Variants in GLIS1 observed in about 807,000 individuals in gnomAD.
The protein encoded by GLIS1 is GLIS family zinc finger 1.
GLIS1 carries 24 observed loss-of-function variants against 63.8 expected under a neutral mutation model. That is an observed-to-expected ratio of 0.38 (90% CI 0.27 to 0.53). The LOEUF is 0.53. GLIS1 is among the 20% of genes least tolerant of loss of function. The pLI is 0.85. For missense variants in GLIS1, 1,036 were observed against 1,074.1 expected (o/e 0.96, Z 0.50); for synonymous variants, 450 against 482.5 (o/e 0.93, Z 0.88).
chr1:53,650,247 G>A (rs1645890893), intron 2 of GLIS1, among the ~76,000 whole-genome samples: 1 of 152,138 alleles, frequency 6.6e-6, no homozygotes. Flanking sequence ...CAGTAACTGT[G>A]CTTGATCCAA....
At chr1:53,717,230 C>T (rs1646708902) in intron 2 of GLIS1, among the ~76,000 whole-genome samples, 1 of 152,170 alleles carries the variant, frequency 6.6e-6, no homozygotes, top group Admixed American at 6.5e-5. Flanking sequence ...ATAAAATGGG[C>T]ATAATAATAA....
chr1:53,614,082 T>C (rs1645453478), intron 2 of GLIS1, among the ~76,000 whole-genome samples: 1 of 152,230 alleles, frequency 6.6e-6, no homozygotes, highest in Admixed American at 6.6e-5. Context: ...TTCATTCATT[T>C]AACACATGGA....
chr1:53,738,198 G>C (rs1297358723), intron 1 of GLIS1, 92 bp from the exon 2 acceptor site: 2 of 704,218 alleles, frequency 2.8e-6, no homozygotes, highest in Non-Finnish European at 3.9e-6. Flanking sequence ...CTGCCCCTTC[G>C]GTGGATTGCG....
chr1:53,629,494 C>T (rs746352960), intron 2 of GLIS1, among the ~76,000 whole-genome samples: 1 of 152,176 alleles, frequency 6.6e-6, no homozygotes, highest in Non-Finnish European at 1.5e-5. Flanking sequence ...AGATGGGCTT[C>T]GAGAACAGGA....
chr1:53,680,279 TAG>T (rs1557518406), intron 2 of GLIS1, among the ~76,000 whole-genome samples: 1 of 152,156 alleles, frequency 6.6e-6, no homozygotes, highest in Non-Finnish European at 1.5e-5. Flanking sequence ...ATAAGCCTCA[TAG>T]ATAGGAACAC....
intron 2 of GLIS1, among the ~76,000 whole-genome samples, chr1:53,735,098 C>T (rs1420253936): frequency 2.0e-5 from 3 of 152,266 alleles, no homozygotes; most frequent in Admixed American, 6.5e-5. Flanking sequence ...CTGAGGCAGG[C>T]GGCAGAGCAT....
intron 2 of GLIS1, among the ~76,000 whole-genome samples, chr1:53,613,415 A>C (rs1557481302): frequency 6.6e-6 from 1 of 152,218 alleles, no homozygotes; most frequent in Non-Finnish European, 1.5e-5. Flanking sequence ...GCAGAGTCAA[A>C]GAATATGCAA....
intron 4 of GLIS1, among the ~76,000 whole-genome samples, chr1:53,577,196 C>A (rs1366851900): frequency 2.0e-5 from 3 of 151,748 alleles, no homozygotes; most frequent in Admixed American, 6.6e-5. Flanking sequence ...CTTAGGAGCT[C>A]CAGACTTGCG....
intron 4 of GLIS1, among the ~76,000 whole-genome samples, chr1:53,555,028 C>A (rs1569816892): frequency 1.3e-5 from 2 of 152,208 alleles, no homozygotes; most frequent in Admixed American, 1.3e-4. Context: ...ACCTGGGCAG[C>A]TTCCCTAGGC....
At chr1:53,735,432 G>T (rs997139346) in intron 2 of GLIS1, among the ~76,000 whole-genome samples, 1 of 152,176 alleles carries the variant, frequency 6.6e-6, no homozygotes, top group Admixed American at 6.5e-5. Flanking sequence ...TCACGCAAAT[G>T]AAAACCCAGA....
chr1:53,542,675 T>G (rs114961707), intron 4 of GLIS1, among the ~76,000 whole-genome samples: 1 of 152,190 alleles, frequency 6.6e-6, no homozygotes, highest in South Asian at 2.1e-4. Flanking sequence ...GCCAGACGCA[T>G]GTACATGGCA....
chr1:53,710,677 G>C (rs1200900033), intron 2 of GLIS1, among the ~76,000 whole-genome samples: 1 of 151,820 alleles, frequency 6.6e-6, no homozygotes, highest in African/African-American at 2.4e-5. Flanking sequence ...GAACCCCTGG[G>C]ATGCACTCTC....
At chr1:53,687,445 T>G (rs980318337) in intron 2 of GLIS1, among the ~76,000 whole-genome samples, 1 of 152,152 alleles carries the variant, frequency 6.6e-6, no homozygotes, top group East Asian at 1.9e-4. Context: ...CCCGCCCCGC[T>G]TCACCAAGCC....
chr1:53,651,748 C>T (rs1645909750), intron 2 of GLIS1, among the ~76,000 whole-genome samples: 1 of 152,114 alleles, frequency 6.6e-6, no homozygotes, highest in African/African-American at 2.4e-5. Flanking sequence ...GTGGCACACA[C>T]CTGTAGTCCT....
In GLIS1 at chr1:53,646,884, G is replaced by GGGAAGGGAA. The variant is rs1233468204; in HGVS notation, c.260-46615_260-46607dup. The stretch of plus-strand genomic sequence containing the variant: ...GAAAGAAGGAAGGAAGGAAGGAGAA[G>GGGAAGGGAA]GGAAGGGAAGGAAGGAAAGGAAGGA... On this transcript the variant is annotated intron_variant, in intron 2 of 10. Coordinates refer to ENST00000628545, the MANE Select transcript of GLIS1 (RefSeq NM_001367484.1). This position sits in a 1 kb window ranked among gnomAD's most constrained non-coding sequence, Gnocchi z 4.2. Among the ~76,000 whole-genome samples, 1 of 143,326 alleles carries GGGAAGGGAA rather than the reference G, an allele frequency of 7.0e-6. No homozygotes were observed. The highest frequency in any genetic ancestry group is 7.4e-5 in the Admixed American group (1 of 13,530). 94.0% of individuals were successfully genotyped at this position (143,326 alleles called of 152,430 possible). A position where few individuals can be genotyped will look rare whatever the true frequency, so the allele number is the denominator to read the frequency against.
intron 4 of GLIS1, among the ~76,000 whole-genome samples, chr1:53,566,698 A>ACAAGAT (rs1363402903): frequency 2.0e-4 from 31 of 152,154 alleles, no homozygotes; most frequent in African/African-American, 7.2e-4. Flanking sequence ...GTGAGTTCTC[A>ACAAGAT]CAAGATCTGA....
At chr1:53,592,557 G>A (rs988742528) in intron 4 of GLIS1, among the ~76,000 whole-genome samples, 28 of 151,640 alleles carry the variant, frequency 1.8e-4, no homozygotes, top group African/African-American at 6.8e-4. Context: ...CCTGGCCTGC[G>A]CGCTGTCTAT....
chr1:53,687,484 C>G (rs545383801), intron 2 of GLIS1, among the ~76,000 whole-genome samples: 2 of 152,198 alleles, frequency 1.3e-5, no homozygotes, highest in Non-Finnish European at 2.9e-5. Context: ...GTTGAGCCCC[C>G]ACAATAACTC....
intron 4 of GLIS1, among the ~76,000 whole-genome samples, chr1:53,579,677 C>G (rs576702283): frequency 6.6e-6 from 1 of 152,252 alleles, no homozygotes; most frequent in Non-Finnish European, 1.5e-5. Flanking sequence ...TCCCCCAGTA[C>G]GCAAGCTGTG....
Sources: allele counts gnomAD v4.1 joint callset (sites outside exome capture counted in the v4.1 genomes callset), GRCh38; gene constraint gnomAD v4.1.1; non-coding constraint Gnocchi (gnomAD v3.1); transcripts MANE v1.5; gene names NCBI Gene and HGNC (gene_info 2026-07-23, HGNC 2026-07-21).